Variants in ASTN2 observed in about 807,000 individuals in gnomAD.
ASTN2 encodes the protein astrotactin 2.
In ASTN2, 54 loss-of-function variants were observed where a neutral mutation model predicts 139.8. That is an observed-to-expected ratio of 0.39 (90% CI 0.31 to 0.48). The LOEUF is 0.48. Among genes scored for constraint, ASTN2 ranks in the 20% least tolerant of loss-of-function variants. The pLI, the probability that ASTN2 is intolerant of heterozygous loss-of-function variation, is 0.95. For missense variants in ASTN2, 1,565 were observed against 1,725.1 expected, an observed-to-expected ratio of 0.91 and a Z score of 1.64; for synonymous variants, 756 against 719.5, an observed-to-expected ratio of 1.05 and a Z score of -0.81.
chr9:116,800,208 T>C (rs1830808068), intron 13 of ASTN2, among the ~76,000 whole-genome samples: 1 of 152,168 alleles, frequency 6.6e-6, no homozygotes, highest in South Asian at 2.1e-4. Context: ...TGTACCTCCT[T>C]AACTCTGTTC....
chr9:117,161,047 C>A (rs1275140766), intron 3 of ASTN2, among the ~76,000 whole-genome samples: 1 of 151,990 alleles, frequency 6.6e-6, no homozygotes, highest in African/African-American at 2.4e-5. Flanking sequence ...GATCTTTTAA[C>A]CACTGCAATT....
chr9:116,989,343 G>T (rs1414519800), intron 7 of ASTN2, among the ~76,000 whole-genome samples: 1 of 152,018 alleles, frequency 6.6e-6, no homozygotes, highest in Non-Finnish European at 1.5e-5. Context: ...CTCTAGTTAG[G>T]AATTTGAGAA....
intron 10 of ASTN2, among the ~76,000 whole-genome samples, chr9:116,943,003 GA>G (rs1564352449): frequency 6.6e-6 from 1 of 152,212 alleles, no homozygotes; most frequent in Non-Finnish European, 1.5e-5. Context: ...CATTTCCACT[GA>G]GGGGGTGATG....
intron 10 of ASTN2, among the ~76,000 whole-genome samples, chr9:116,887,664 T>C (rs114047452): frequency 0.023 from 3,573 of 152,102 alleles, 138 homozygotes; most frequent in African/African-American, 0.081. Flanking sequence ...TTACTTTGTA[T>C]TGTTGTTGTT....
chr9:116,924,238 A>C (rs1834690706), intron 10 of ASTN2, among the ~76,000 whole-genome samples: 1 of 151,184 alleles, frequency 6.6e-6, no homozygotes, highest in South Asian at 2.1e-4. Context: ...GTGAAATCCT[A>C]TCTCTACTAA....
At chr9:116,461,792 G>A (rs577734063) in intron 20 of ASTN2, among the ~76,000 whole-genome samples, 17 of 152,198 alleles carry the variant, frequency 1.1e-4, no homozygotes, top group African/African-American at 2.9e-4. Flanking sequence ...GACGATTAAT[G>A]CTTTGTTATG....
At chr9:117,053,942 G>A (rs1838984208) in intron 5 of ASTN2, among the ~76,000 whole-genome samples, 1 of 151,056 alleles carries the variant, frequency 6.6e-6, no homozygotes, top group Admixed American at 6.6e-5. Flanking sequence ...TAACATTTTA[G>A]CAAAACCATG....
chr9:116,760,496 G>A lies in ASTN2; in HGVS notation c.2397-26973C>T, dbSNP rs747547164. ...CTGATGTAAGACCCTAACCTTAGAC[G>A]TGAAAGCCAGGCTGAGCAATTCAGA... On this transcript the variant is annotated intron_variant, in intron 13 of 22. Transcript: ENST00000313400. Among the ~76,000 whole-genome samples, 8 of 152,316 alleles carry A rather than the reference G, an allele frequency of 5.3e-5. No homozygotes were observed. In the East Asian group the frequency reaches 5.8e-4, roughly 11 times the overall value.
chr9:117,328,599 A>G (rs1336795255), intron 1 of ASTN2, among the ~76,000 whole-genome samples: 1 of 152,166 alleles, frequency 6.6e-6, no homozygotes, highest in African/African-American at 2.4e-5. Context: ...ATGATTGTTA[A>G]TTAATCCCTC....
intron 5 of ASTN2, among the ~76,000 whole-genome samples, chr9:117,047,310 C>T (rs1216800229): frequency 6.6e-6 from 1 of 152,152 alleles, no homozygotes; most frequent in African/African-American, 2.4e-5. Flanking sequence ...CAATATGGGA[C>T]ATATTTTCCT....
At chr9:116,903,901 C>G (rs1443507093) in intron 10 of ASTN2, among the ~76,000 whole-genome samples, 1 of 152,212 alleles carries the variant, frequency 6.6e-6, no homozygotes, top group Non-Finnish European at 1.5e-5. Flanking sequence ...AAGGGGCCAG[C>G]TCTCACTTGC....
chr9:116,873,478 G>A (rs1194217428), intron 10 of ASTN2, among the ~76,000 whole-genome samples: 1 of 152,194 alleles, frequency 6.6e-6, no homozygotes, highest in African/African-American at 2.4e-5. Flanking sequence ...TGTGGCGGGA[G>A]TCAGGCCTCC....
chr9:116,790,774 A>C (rs1012109881), intron 13 of ASTN2, among the ~76,000 whole-genome samples: 3 of 150,360 alleles, frequency 2.0e-5, no homozygotes, highest in African/African-American at 7.4e-5. Context: ...TCCCAGGTTC[A>C]AGCGATTCTC....
At chr9:116,664,666 T>C (rs917733340) in intron 16 of ASTN2, among the ~76,000 whole-genome samples, 1 of 151,580 alleles carries the variant, frequency 6.6e-6, no homozygotes, top group African/African-American at 2.4e-5. Context: ...TCTCTACAAA[T>C]TATATACCCA....
At chr9:116,508,826 G>C (rs1052333791) in intron 19 of ASTN2, among the ~76,000 whole-genome samples, 28 of 152,116 alleles carry the variant, frequency 1.8e-4, no homozygotes, top group African/African-American at 6.8e-4. Context: ...GGGCAAAGAA[G>C]AAAGTGTTTC....
In ASTN2 at chr9:117,082,775, C is replaced by T. The variant is rs140338111; in HGVS notation, c.1276+13269G>A. Among the ~76,000 whole-genome samples, 118 of 152,290 alleles carry T rather than the reference C, an allele frequency of 7.7e-4. 2 individuals carry two copies. In the East Asian group the frequency reaches 0.022, roughly 28 times the overall value. Reference sequence around the variant, plus strand: ...CTGAGATTGTGCCACTGCACTCTATCCTGGGTGACAGAGTGAGACTCTCTC... The same window carrying T: ...CTGAGATTGTGCCACTGCACTCTATTCTGGGTGACAGAGTGAGACTCTCTC... On this transcript the variant is annotated intron_variant, in intron 5 of 22. Coordinates refer to ENST00000313400, the MANE Select transcript of ASTN2 (RefSeq NM_001365068.1).
intron 3 of ASTN2, among the ~76,000 whole-genome samples, chr9:117,159,622 A>T (rs1217349216): frequency 6.6e-6 from 1 of 152,064 alleles, no homozygotes; most frequent in Non-Finnish European, 1.5e-5. Context: ...AATTTTGTGC[A>T]TCTACTGTAT....
At chr9:117,350,514 A>G (rs894051100) in intron 1 of ASTN2, among the ~76,000 whole-genome samples, 1 of 151,872 alleles carries the variant, frequency 6.6e-6, no homozygotes, top group Non-Finnish European at 1.5e-5. Flanking sequence ...AGATTGTGCT[A>G]CTACGCTTCA....
intron 1 of ASTN2, among the ~76,000 whole-genome samples, chr9:117,343,164 T>C (rs912832794): frequency 5.3e-5 from 8 of 152,222 alleles, no homozygotes; most frequent in Non-Finnish European, 7.3e-5. Flanking sequence ...AACTATTCCT[T>C]GCCTTTTCCA....
Sources: allele counts gnomAD v4.1 joint callset (sites outside exome capture counted in the v4.1 genomes callset), GRCh38; gene constraint gnomAD v4.1.1; transcripts MANE v1.5; gene names NCBI Gene and HGNC (gene_info 2026-07-23, HGNC 2026-07-21).